KIAA1328: variants seen among roughly 807,000 people sequenced by gnomAD.
KIAA1328 encodes protein hinderin.
KIAA1328 carries 52 observed loss-of-function variants against 68.1 expected under a neutral mutation model. The ratio of observed to expected loss-of-function variants is 0.76; its 90% CI spans 0.61 to 0.96. The LOEUF (loss-of-function observed/expected upper bound fraction) is 0.96, where lower values mean the gene tolerates loss of function less well. Ranked by LOEUF, KIAA1328 falls within the 40% of genes least tolerant of loss-of-function variation. The pLI is 0.00. For synonymous variants in KIAA1328, 232 were observed against 239.4 expected, an observed-to-expected ratio of 0.97 and a Z score of 0.28; for missense variants, 641 against 677.6, an observed-to-expected ratio of 0.95 and a Z score of 0.60.
intron 6 of KIAA1328, among the ~76,000 whole-genome samples, chr18:36,961,485 A>G (rs979766136): frequency 6.6e-6 from 1 of 152,292 alleles, no homozygotes; most frequent in East Asian, 1.9e-4. Flanking sequence ...GATACTCCTC[A>G]AGAAGAGCAA....
chr18:37,216,705 G>T (rs2154221950), intron 9 of KIAA1328, among the ~76,000 whole-genome samples: 1 of 152,180 alleles, frequency 6.6e-6, no homozygotes, highest in East Asian at 1.9e-4. Flanking sequence ...CTGTCTCGTT[G>T]ATCTATCTAA....
In KIAA1328 at chr18:37,160,210, T is replaced by C. The variant is rs762601395; in HGVS notation, c.1243T>C (p.Ser415Pro). 2 of 1,611,734 alleles carry C rather than the reference T, an allele frequency of 1.2e-6. No individual in the cohort carries two copies. Among genetic ancestry groups the C allele is most frequent in the African/African-American group, 2.7e-5 (2 of 74,904 alleles). The change falls in exon 8 of 10, where the codon TCA (serine) becomes CCA (proline). Residue 415 changes from serine (S) to proline (P), a missense_variant. Transcript: ENST00000280020. ...TCGTTGTTCTTTCAGTTTATTGAAG[T>C]CAAACTGTGATGGCTGGCTGCTTGG... ...SRLDYNCLLK[S>P]NCDGWLLGTS...
intron 7 of KIAA1328, among the ~76,000 whole-genome samples, chr18:37,117,111 C>T (rs887983669): frequency 2.0e-5 from 3 of 152,162 alleles, no homozygotes; most frequent in Non-Finnish European, 2.9e-5. Flanking sequence ...GGCGATTCCT[C>T]AGGGATCTAG....
At chr18:36,855,797 A>G (rs2047363386) in intron 4 of KIAA1328, among the ~76,000 whole-genome samples, 2 of 151,720 alleles carry the variant, frequency 1.3e-5, no homozygotes, top group East Asian at 3.9e-4. Flanking sequence ...GTATTTATTT[A>G]ACTATTATAT....
At chr18:37,081,997 A>C (rs323294) in intron 7 of KIAA1328, among the ~76,000 whole-genome samples, 9,936 of 152,120 alleles carry the variant, frequency 0.065, 1,069 homozygotes, top group African/African-American at 0.23. Flanking sequence ...TTGTCTGAGC[A>C]CATATTTACT....
intron 3 of KIAA1328, among the ~76,000 whole-genome samples, chr18:36,840,341 A>G (rs1402453318): frequency 2.6e-5 from 4 of 152,084 alleles, no homozygotes; most frequent in Non-Finnish European, 5.9e-5. Flanking sequence ...CATCTGGGCT[A>G]GAAGAGGATG....
chr18:36,837,654 G>T (rs2046724316), intron 3 of KIAA1328, among the ~76,000 whole-genome samples: 1 of 151,962 alleles, frequency 6.6e-6, no homozygotes, highest in Non-Finnish European at 1.5e-5. Flanking sequence ...CTGAGAAATT[G>T]TTGCCTAATC....
rs760955469 is a variant in KIAA1328 at position 37,156,898 on chromosome 18, T to TA, written c.1233-3301dup. Among the ~76,000 whole-genome samples the TA allele has an allele frequency of 2.2e-4, 33 of 152,222 alleles. 1 individual carries two copies. The highest frequency in any genetic ancestry group is 1.7e-3 in the South Asian group (8 of 4,816). On this transcript the variant is annotated intron_variant, in intron 7 of 9. Transcript: ENST00000280020. ...TCTGTTTAGAAATCGTACTTGCAGA[T>TA]ATAGAGGTGTGGCAAGGATCACCAA... is the stretch of plus-strand genomic sequence containing the variant.
In KIAA1328 at chr18:37,155,820, G is replaced by A. The variant is rs1305323686; in HGVS notation, c.1233-4380G>A. Among the ~76,000 whole-genome samples, 5 of 152,156 alleles carry A rather than the reference G, an allele frequency of 3.3e-5. No homozygotes were observed. In the East Asian group the frequency reaches 7.7e-4, roughly 23 times the overall value. On this transcript the variant is annotated intron_variant, in intron 7 of 9. Coordinates refer to ENST00000280020, the MANE Select transcript of KIAA1328 (RefSeq NM_020776.3). ...TACCACACACCCAAAGTTTAATGCT[G>A]TAACAATACCTAGCTATTTAACTTT... is the stretch of plus-strand genomic sequence containing the variant.
intron 6 of KIAA1328, among the ~76,000 whole-genome samples, chr18:37,008,009 A>T (rs2053842787): frequency 6.6e-6 from 1 of 152,158 alleles, no homozygotes. Context: ...ACTAAAACTG[A>T]TAGAAATCTT....
intron 7 of KIAA1328, among the ~76,000 whole-genome samples, chr18:37,132,943 T>C (rs1302439112): frequency 3.3e-5 from 5 of 152,304 alleles, no homozygotes; most frequent in African/African-American, 1.2e-4. Flanking sequence ...ATGCAACAAC[T>C]TAAATGAATC....
At position 37,019,565 on chromosome 18, in the gene KIAA1328, G is replaced by A. The variant is rs560190067; in HGVS notation, c.577-47325G>A. Among the ~76,000 whole-genome samples the A allele has an allele frequency of 2.0e-5, 3 of 152,350 alleles. No individual in the cohort carries two copies. The South Asian group carries it at 6.2e-4, about 32-fold the overall frequency. On this transcript the variant is annotated intron_variant, in intron 6 of 9. Transcript: ENST00000280020. The stretch of plus-strand genomic sequence containing the variant: ...GGATGGCCACCATGTGCTCAGAGAT[G>A]TGCCTAGGCATTGAACTGTGAAACC...
intron 6 of KIAA1328, among the ~76,000 whole-genome samples, chr18:36,963,235 G>A (rs1449977541): frequency 6.6e-6 from 1 of 152,168 alleles, no homozygotes; most frequent in African/African-American, 2.4e-5. Flanking sequence ...TTTTAAGGTG[G>A]CTCTTGCCTA....
At chr18:37,076,768 C>A (rs2056753282) in intron 7 of KIAA1328, among the ~76,000 whole-genome samples, 1 of 152,000 alleles carries the variant, frequency 6.6e-6, no homozygotes, top group Admixed American at 6.6e-5. Flanking sequence ...CATACACCCT[C>A]CCAAGACTAA....
chr18:37,012,972 A>C (rs1273500602), intron 6 of KIAA1328, among the ~76,000 whole-genome samples: 1 of 152,190 alleles, frequency 6.6e-6, no homozygotes, highest in African/African-American at 2.4e-5. Flanking sequence ...ATAACATTAT[A>C]AGAAATGGGG....
chr18:36,889,634 G>A (rs1465105323), intron 5 of KIAA1328, among the ~76,000 whole-genome samples: 1 of 152,150 alleles, frequency 6.6e-6, no homozygotes, highest in Non-Finnish European at 1.5e-5. Flanking sequence ...TTTATAATAT[G>A]TAGATAACTA....
intron 9 of KIAA1328, among the ~76,000 whole-genome samples, chr18:37,180,819 T>C (rs2059685267): frequency 6.6e-6 from 1 of 152,162 alleles, no homozygotes; most frequent in Admixed American, 6.5e-5. Flanking sequence ...TAGGTTTGAA[T>C]AGCAAACCTT....
chr18:36,901,350 T>G (rs2049032284), intron 5 of KIAA1328, among the ~76,000 whole-genome samples: 2 of 152,090 alleles, frequency 1.3e-5, no homozygotes, highest in Admixed American at 6.6e-5. Flanking sequence ...ACAGCAGAAC[T>G]AATGTGGAAG....
chr18:36,877,783 C>T lies in KIAA1328; in HGVS notation c.333-7774C>T, dbSNP rs183197745. Reference sequence around the variant, plus strand: ...CCAGGTTCAGGCCATTCTCCTGCCTCAGCCTCCCGAGTAGCTGGGACTACA... The same window carrying T: ...CCAGGTTCAGGCCATTCTCCTGCCTTAGCCTCCCGAGTAGCTGGGACTACA... On this transcript the variant is annotated intron_variant, in intron 4 of 9. Coordinates refer to ENST00000280020, the MANE Select transcript of KIAA1328 (RefSeq NM_020776.3). Among the ~76,000 whole-genome samples the T allele has an allele frequency of 6.9e-4, 104 of 151,226 alleles. No homozygotes were observed. In the East Asian group the frequency reaches 0.018, roughly 25 times the overall value.
Sources: gnomAD v4.1 joint callset for allele counts (sites outside exome capture counted in the v4.1 genomes callset) on GRCh38, gnomAD v4.1.1 for gene constraint, MANE v1.5 for transcripts, NCBI Gene and HGNC (gene_info 2026-07-23, HGNC 2026-07-21) for gene names.